The following MAGI2 variants were observed in gnomAD, a reference collection of about 807,000 sequenced individuals.
MAGI2 encodes the protein membrane associated guanylate kinase, WW and PDZ domain containing 2, also known as membrane-associated guanylate kinase, WW and PDZ domain-containing protein 2.
A neutral mutation model predicts 133.3 loss-of-function variants in MAGI2; 35 were observed. That is an observed-to-expected ratio of 0.26 (90% confidence interval 0.20 to 0.35). MAGI2 has a LOEUF of 0.35. Among genes scored for constraint, MAGI2 ranks in the 10% least tolerant of loss-of-function variants. MAGI2 has a pLI of 1.00. For synonymous variants in MAGI2, 729 were observed against 710.6 expected, an observed-to-expected ratio of 1.03 and a Z score of -0.41; for missense variants, 1,636 against 1,863.4, an observed-to-expected ratio of 0.88 and a Z score of 2.25.
intron 2 of MAGI2, among the ~76,000 whole-genome samples, chr7:78,770,699 C>A (rs1825500350): frequency 6.6e-6 from 1 of 152,128 alleles, no homozygotes. Context: ...AAGTGAGAGT[C>A]GAATCAAGTT....
intron 3 of MAGI2, among the ~76,000 whole-genome samples, chr7:78,560,164 T>C (rs1332949135): frequency 3.3e-5 from 5 of 152,124 alleles, no homozygotes; most frequent in African/African-American, 1.2e-4. Flanking sequence ...GAAAGGAAAA[T>C]GAAGATCCAC....
chr7:78,137,812 C>T (rs1004718367), intron 16 of MAGI2, among the ~76,000 whole-genome samples: 6 of 152,038 alleles, frequency 3.9e-5, no homozygotes, highest in African/African-American at 1.2e-4. Flanking sequence ...CTTAATCACC[C>T]ACATTGAGCC....
intron 10 of MAGI2, among the ~76,000 whole-genome samples, chr7:78,210,345 G>A (rs537735535): frequency 4.9e-4 from 75 of 152,258 alleles, no homozygotes; most frequent in Non-Finnish European, 9.6e-4. Flanking sequence ...AAAGATACTC[G>A]GGAGAACTGA....
intron 4 of MAGI2, among the ~76,000 whole-genome samples, chr7:78,516,445 T>TCAAGTGATCCTCCC (rs1796049098): frequency 6.6e-6 from 1 of 152,102 alleles, no homozygotes; most frequent in Admixed American, 6.6e-5. Context: ...TTGACCTTCC[T>TCAAGTGATCCTCCC]GGGCTCAAGT....
chr7:78,916,609 G>A lies in MAGI2; in HGVS notation c.418+90481C>T, dbSNP rs193020279. 3.3e-3 allele frequency among the ~76,000 whole-genome samples: 503 copies of A among 152,230 alleles called. 2 individuals are homozygous for A. Among genetic ancestry groups the A allele is most frequent in the South Asian group, 5.8e-3 (28 of 4,826 alleles). ...ACAAAATTAAACCTTTCAGGATGAT[G>A]AATAAGTGAAATGAAGAAACCACAG... On this transcript the variant is annotated intron_variant, in intron 2 of 21. Transcript: ENST00000354212.
At chr7:79,080,145 A>G (rs1562868161) in intron 1 of MAGI2, among the ~76,000 whole-genome samples, 1 of 152,154 alleles carries the variant, frequency 6.6e-6, no homozygotes, top group Non-Finnish European at 1.5e-5. Flanking sequence ...TTTCTATTAT[A>G]TGAGGCATCT....
At chr7:79,254,358 T>C (rs934174232) in intron 1 of MAGI2, among the ~76,000 whole-genome samples, 12 of 152,188 alleles carry the variant, frequency 7.9e-5, no homozygotes, top group African/African-American at 2.9e-4. Context: ...CATAGAAGTA[T>C]TTAATTTGCA....
At chr7:79,426,180 A>G (rs1195454767) in intron 1 of MAGI2, among the ~76,000 whole-genome samples, 1 of 152,144 alleles carries the variant, frequency 6.6e-6, no homozygotes, top group African/African-American at 2.4e-5. Flanking sequence ...TCAGAATGTC[A>G]AGCTGGGAAT....
intron 3 of MAGI2, chr7:78,614,287 G>GAAAAAAAA (rs200261510): frequency 2.7e-5 from 2 of 74,390 alleles, no homozygotes; most frequent in Non-Finnish European, 5.5e-5. Flanking sequence ...AAAAGTGAAA[G>GAAAAAAAA]AAAAAAAAAA....
At chr7:78,117,147 A>T (rs1470574342) in intron 20 of MAGI2, among the ~76,000 whole-genome samples, 2 of 151,700 alleles carry the variant, frequency 1.3e-5, no homozygotes, top group African/African-American at 4.8e-5. Context: ...ACAACTGTAA[A>T]CAACAGCAAC....
intron 10 of MAGI2, among the ~76,000 whole-genome samples, chr7:78,244,029 A>G (rs13245893): frequency 0.15 from 22,516 of 151,472 alleles, 2,242 homozygotes; most frequent in Middle Eastern, 0.26. Context: ...AAAAAGCACT[A>G]ATAAGAAATA....
At chr7:78,864,730 C>G (rs1053595238) in intron 2 of MAGI2, among the ~76,000 whole-genome samples, 2 of 152,164 alleles carry the variant, frequency 1.3e-5, no homozygotes, top group Non-Finnish European at 2.9e-5. Flanking sequence ...AAGTAGGATA[C>G]TAAACACATC....
chr7:79,429,428 A>G (rs1032193673), intron 1 of MAGI2, among the ~76,000 whole-genome samples: 3 of 151,896 alleles, frequency 2.0e-5, no homozygotes, highest in African/African-American at 7.3e-5. Flanking sequence ...TCAGCCTCCC[A>G]AGTAGCTGGG....
intron 10 of MAGI2, among the ~76,000 whole-genome samples, chr7:78,207,780 C>T (rs79567837): frequency 0.15 from 23,473 of 152,128 alleles, 1,988 homozygotes; most frequent in East Asian, 0.27. Flanking sequence ...ACTCAAACAT[C>T]ACATCACCAT....
chr7:78,724,984 T>C (rs10233033), intron 2 of MAGI2, among the ~76,000 whole-genome samples: 10,442 of 152,150 alleles, frequency 0.069, 439 homozygotes, highest in African/African-American at 0.092. Context: ...AAGAAAAAAA[T>C]AGAGGAACTA....
intron 6 of MAGI2, among the ~76,000 whole-genome samples, chr7:78,403,664 G>T (rs936519323): frequency 6.6e-6 from 1 of 152,006 alleles, no homozygotes; most frequent in African/African-American, 2.4e-5. Context: ...AGCACCTGTT[G>T]TTTCCTGACT....
chr7:78,241,215 G>T (rs1174418619), intron 10 of MAGI2, among the ~76,000 whole-genome samples: 1 of 151,964 alleles, frequency 6.6e-6, no homozygotes, highest in Non-Finnish European at 1.5e-5. Context: ...TTTTTTAAAA[G>T]ATAAAATTTT....
chr7:78,386,036 A>G (rs1215130891), intron 6 of MAGI2, among the ~76,000 whole-genome samples: 1 of 152,162 alleles, frequency 6.6e-6, no homozygotes, highest in African/African-American at 2.4e-5. Flanking sequence ...ATTTATTCCA[A>G]AGACCTGGCC....
chr7:78,531,195 TTAATG>T (rs1208387724), intron 3 of MAGI2, among the ~76,000 whole-genome samples: 1 of 151,834 alleles, frequency 6.6e-6, no homozygotes, highest in Non-Finnish European at 1.5e-5. Flanking sequence ...AATTGTGTTA[TTAATG>T]TAATTATTAA....
Sources: allele counts gnomAD v4.1 joint callset (sites outside exome capture counted in the v4.1 genomes callset), GRCh38; gene constraint gnomAD v4.1.1; transcripts MANE v1.5; gene names NCBI Gene and HGNC (gene_info 2026-07-23, HGNC 2026-07-21).